GPR37: variants seen among roughly 807,000 people sequenced by gnomAD.
GPR37 encodes G protein-coupled receptor 37, also known as prosaposin receptor GPR37.
Under a neutral mutation model 43.6 loss-of-function variants are expected in GPR37, and 20 were observed. That is an observed-to-expected ratio of 0.46 (90% CI 0.32 to 0.67). The LOEUF is 0.67. Among genes scored for constraint, GPR37 ranks in the 30% least tolerant of loss-of-function variants. The pLI is 0.03. For missense variants in GPR37, 724 were observed against 797.2 expected, an observed-to-expected ratio of 0.91 and a Z score of 1.11; for synonymous variants, 315 against 322.6, an observed-to-expected ratio of 0.98 and a Z score of 0.25.
chr7:124,763,930 T>C, intron 1 of GPR37, 24 bp downstream of exon 1: 1 of 1,608,138 alleles, frequency 6.2e-7, no homozygotes, highest in Non-Finnish European at 8.5e-7. Context: ...AGCCACTAGC[T>C]TGAGAGCCCC....
In GPR37 at chr7:124,747,204, AC is replaced by A; in HGVS notation, c.1162del (p.Val388TrpfsTer6). The A allele has an allele frequency of 6.2e-7, 1 of 1,613,950 alleles. No homozygotes were observed. The highest frequency in any genetic ancestry group is 8.5e-7 in the Non-Finnish European group (1 of 1,179,904). On this transcript the variant is annotated frameshift_variant, in exon 2 of 2. Coordinates refer to ENST00000303921, the MANE Select transcript of GPR37 (RefSeq NM_005302.5). LOFTEE classifies it high-confidence loss of function. ...STTAKLAVIW[V>X]GALLLALPEV... ...TGGAAGTGCTAACAATAGAGCTCCC[AC>A]CCATATAACAGCAAGTTTGGCAGTT...
rs1793890632 is a variant in GPR37, at chr7:124,764,458, G to C, written c.519C>G (p.Val173=). 6.2e-7 allele frequency: 1 copy of C among 1,613,712 alleles called. No homozygotes were observed. The highest frequency in any genetic ancestry group is 8.5e-7 in the Non-Finnish European group (1 of 1,180,038). ...GRSQEQSVKT[V]PGASDLFYWP... ...AGTAAAAAAGATCGCTGGCTCCGGG[G>C]ACTGTCTTCACACTCTGCTCCTGGC... The change falls in exon 1 of 2, where the codon GTC becomes GTG. Residue 173 remains valine, a synonymous_variant. Coordinates refer to ENST00000303921, the MANE Select transcript of GPR37 (RefSeq NM_005302.5). This position sits in a 1 kb window ranked among gnomAD's most constrained non-coding sequence, Gnocchi z 5.4.
Position 124,765,283 on chromosome 7 carries a change from A to C in GPR37, c.-307T>G. 1 of 326,946 alleles carries C rather than the reference A, an allele frequency of 3.1e-6. No individual in the cohort carries two copies. The highest frequency in any genetic ancestry group is 4.9e-5 in the East Asian group (1 of 20,538). The allele number at this position is 326,946 out of a possible 1,614,324, so 20.3% of individuals were successfully genotyped here. A position where few individuals can be genotyped will look rare whatever the true frequency, so the allele number is the denominator to read the frequency against. ...GGCTGACCTTGAAAAGTTGCAATCA[A>C]CACCTGACTGTTGATTACTGTTGAG... is the stretch of plus-strand genomic sequence containing the variant. On this transcript the variant is annotated 5_prime_UTR_variant, in exon 1 of 2. Coordinates refer to ENST00000303921, the MANE Select transcript of GPR37 (RefSeq NM_005302.5).
intron 1 of GPR37, among the ~76,000 whole-genome samples, chr7:124,753,289 A>C (rs182605547): frequency 6.6e-6 from 1 of 152,022 alleles, no homozygotes; most frequent in Admixed American, 6.5e-5. Context: ...TGTTTTTCTA[A>C]CTAACAAAAC....
At chr7:124,750,355 T>A (rs1282057148) in intron 1 of GPR37, among the ~76,000 whole-genome samples, 3 of 152,094 alleles carry the variant, frequency 2.0e-5, no homozygotes, top group African/African-American at 4.8e-5. Flanking sequence ...ATAGCCCGAA[T>A]GAGTCCACAA....
At chr7:124,760,947 G>A (rs113388439) in intron 1 of GPR37, among the ~76,000 whole-genome samples, 17,527 of 152,108 alleles carry the variant, frequency 0.12, 1,306 homozygotes, top group African/African-American at 0.21. Flanking sequence ...CACAAGGTCA[G>A]GAGATCAAGA....
chr7:124,760,074 T>C (rs1254468127), intron 1 of GPR37, among the ~76,000 whole-genome samples: 1 of 151,980 alleles, frequency 6.6e-6, no homozygotes, highest in Non-Finnish European at 1.5e-5. Context: ...GAATAAAATT[T>C]AAAATTAACT....
chr7:124,752,674 C>A (rs935197204), intron 1 of GPR37, among the ~76,000 whole-genome samples: 1 of 152,076 alleles, frequency 6.6e-6, no homozygotes, highest in Admixed American at 6.6e-5. Flanking sequence ...ACAGGCTGAC[C>A]AAATTATAAA....
intron 1 of GPR37, among the ~76,000 whole-genome samples, chr7:124,760,773 T>C (rs527598833): frequency 3.0e-4 from 45 of 152,144 alleles, no homozygotes; most frequent in Non-Finnish European, 5.4e-4. Context: ...GGTATATATG[T>C]TTAGGATAGT....
chr7:124,747,402 G>A, intron 1 of GPR37, 59 bp from the exon 2 acceptor site: 1 of 1,082,642 alleles, frequency 9.2e-7, no homozygotes, highest in Non-Finnish European at 1.3e-6. Flanking sequence ...CAAAGCACTA[G>A]GAAATAAATG....
At chr7:124,748,171 T>G (rs907064488) in intron 1 of GPR37, among the ~76,000 whole-genome samples, 2 of 151,806 alleles carry the variant, frequency 1.3e-5, no homozygotes, top group Admixed American at 1.3e-4. Context: ...ACTCCTCAAA[T>G]GCTGACATCT....
At chr7:124,749,253 T>C (rs1793706280) in intron 1 of GPR37, among the ~76,000 whole-genome samples, 1 of 152,062 alleles carries the variant, frequency 6.6e-6, no homozygotes, top group Admixed American at 6.6e-5. Flanking sequence ...AAAATGTTAA[T>C]AACGTTTCAG....
intron 1 of GPR37, among the ~76,000 whole-genome samples, chr7:124,758,671 T>C (rs1375893773): frequency 2.0e-5 from 3 of 152,204 alleles, no homozygotes. Context: ...AAAACCAGTA[T>C]TGCTAAAGTC....
chr7:124,754,759 C>T (rs1383336699), intron 1 of GPR37, among the ~76,000 whole-genome samples: 1 of 152,152 alleles, frequency 6.6e-6, no homozygotes, highest in Admixed American at 6.5e-5. Context: ...TTCATTTGGG[C>T]TGTGAATGAT....
intron 1 of GPR37, among the ~76,000 whole-genome samples, chr7:124,762,269 T>C (rs1046147969): frequency 1.3e-5 from 2 of 152,116 alleles, no homozygotes; most frequent in Non-Finnish European, 2.9e-5. Context: ...ATTCTTTTCT[T>C]TTAAGGTGTT....
chr7:124,750,506 C>T (rs1001056965), intron 1 of GPR37, among the ~76,000 whole-genome samples: 1 of 152,126 alleles, frequency 6.6e-6, no homozygotes, highest in African/African-American at 2.4e-5. Flanking sequence ...CATCTATTTG[C>T]TTGGTGGTTT....
At chr7:124,754,574 T>C (rs1195097973) in intron 1 of GPR37, among the ~76,000 whole-genome samples, 1 of 152,170 alleles carries the variant, frequency 6.6e-6, no homozygotes, top group African/African-American at 2.4e-5. Flanking sequence ...TACAGTGAAG[T>C]GACTAGAATA....
At chr7:124,763,682 G>C (rs1793876315) in intron 1 of GPR37, among the ~76,000 whole-genome samples, 1 of 151,872 alleles carries the variant, frequency 6.6e-6, no homozygotes, top group South Asian at 2.1e-4. Context: ...CCATATTCAG[G>C]GAGATAGATT....
At chr7:124,753,827 C>G (rs934809908) in intron 1 of GPR37, among the ~76,000 whole-genome samples, 2 of 151,988 alleles carry the variant, frequency 1.3e-5, no homozygotes, top group Admixed American at 1.3e-4. Context: ...AATATTTTGT[C>G]CCTCTGTTAA....
Sources: gnomAD v4.1 joint callset for allele counts (sites outside exome capture counted in the v4.1 genomes callset) on GRCh38, gnomAD v4.1.1 for gene constraint, Gnocchi (gnomAD v3.1) non-coding constraint, MANE v1.5 for transcripts, NCBI Gene and HGNC (gene_info 2026-07-23, HGNC 2026-07-21) for gene names.